The following MINDY2 variants were observed in gnomAD, a reference collection of about 807,000 sequenced individuals.
The protein encoded by MINDY2 is MINDY lysine 48 deubiquitinase 2.
Under a neutral mutation model 68.2 loss-of-function variants are expected in MINDY2, and 52 were observed. The observed-to-expected ratio is 0.76, with a 90% CI of 0.61 to 0.96. The LOEUF is 0.96. Among genes scored for constraint, MINDY2 ranks in the 40% least tolerant of loss-of-function variants. The probability of loss-of-function intolerance (pLI) is 0.00; values close to 1 mark genes in which losing one functional copy is unlikely to be tolerated. For missense variants in MINDY2, 881 were observed against 773.4 expected, an observed-to-expected ratio of 1.14 and a Z score of -1.65; for synonymous variants, 372 against 303.0, an observed-to-expected ratio of 1.23 and a Z score of -2.36.
chr15:58,850,565 T>A (rs1043453416), intron 7 of MINDY2, among the ~76,000 whole-genome samples: 1 of 152,324 alleles, frequency 6.6e-6, no homozygotes, highest in Non-Finnish European at 1.5e-5. Flanking sequence ...GGGAACTTTT[T>A]AAAAAATTCT....
At chr15:58,845,541 C>T (rs1239114730) in intron 6 of MINDY2, among the ~76,000 whole-genome samples, 4 of 152,042 alleles carry the variant, frequency 2.6e-5, no homozygotes, top group African/African-American at 9.7e-5. Flanking sequence ...AAAAGACAGA[C>T]AATAACAAAT....
At chr15:58,810,817 G>A (rs1242563812) in intron 4 of MINDY2, among the ~76,000 whole-genome samples, 1 of 152,180 alleles carries the variant, frequency 6.6e-6, no homozygotes, top group Admixed American at 6.5e-5. Context: ...AATCTAGGAG[G>A]GTTCCAACTG....
At chr15:58,825,336 G>A (rs1181390043) in intron 5 of MINDY2, among the ~76,000 whole-genome samples, 1 of 151,982 alleles carries the variant, frequency 6.6e-6, no homozygotes, top group African/African-American at 2.4e-5. Flanking sequence ...TTTACTTTAC[G>A]TAGAATACTT....
chr15:58,820,740 C>T (rs2031007571), intron 4 of MINDY2, among the ~76,000 whole-genome samples: 1 of 152,088 alleles, frequency 6.6e-6, no homozygotes, highest in Non-Finnish European at 1.5e-5. Context: ...TTAACAAGCT[C>T]CCCGAGTTTG....
chr15:58,775,536 C>T (rs532501416), intron 1 of MINDY2, among the ~76,000 whole-genome samples: 44 of 152,250 alleles, frequency 2.9e-4, no homozygotes, highest in East Asian at 9.6e-4. Context: ...GAGTGTAGCA[C>T]GAAGAATTGA....
chr15:58,796,786 G>A (rs1406457148), intron 2 of MINDY2, among the ~76,000 whole-genome samples: 1 of 152,208 alleles, frequency 6.6e-6, no homozygotes, highest in Non-Finnish European at 1.5e-5. Flanking sequence ...GCCTCCGGAA[G>A]TGCTGGGATT....
chr15:58,834,142 A>G (rs1406649669), intron 6 of MINDY2, among the ~76,000 whole-genome samples: 3 of 152,182 alleles, frequency 2.0e-5, no homozygotes, highest in Non-Finnish European at 2.9e-5. Context: ...GACACAGCAC[A>G]CGTTTCAGGG....
intron 7 of MINDY2, among the ~76,000 whole-genome samples, chr15:58,850,135 C>T (rs2032744321): frequency 6.6e-6 from 1 of 152,116 alleles, no homozygotes; most frequent in South Asian, 2.1e-4. Flanking sequence ...AAATTTTAGT[C>T]AACACCGACT....
chr15:58,838,691 A>T (rs111579799), intron 6 of MINDY2, among the ~76,000 whole-genome samples: 5,500 of 146,594 alleles, frequency 0.038, 108 homozygotes, highest in African/African-American at 0.062. Context: ...GGTTCAAGCG[A>T]TTGTCCTGCC....
chr15:58,827,777 C>T (rs2031490781), intron 5 of MINDY2, among the ~76,000 whole-genome samples: 1 of 151,906 alleles, frequency 6.6e-6, no homozygotes, highest in Admixed American at 6.6e-5. Flanking sequence ...AATCCATTAT[C>T]ATTATTCTTT....
chr15:58,837,197 A>G (rs1352660595), intron 6 of MINDY2, among the ~76,000 whole-genome samples: 1 of 152,108 alleles, frequency 6.6e-6, no homozygotes, highest in Non-Finnish European at 1.5e-5. Flanking sequence ...ATTCTCTCCT[A>G]CTAATTCCTG....
Position 58,844,704 on chromosome 15 carries a change from G to A in MINDY2, c.1369-2593G>A, listed in dbSNP as rs553224817. Among the ~76,000 whole-genome samples, 4 of 151,908 alleles carry A rather than the reference G, an allele frequency of 2.6e-5. No homozygotes were observed. The East Asian group carries it at 7.7e-4, about 29-fold the overall frequency. Reference sequence around the variant, plus strand: ...AAGCTGAGGCGGTGGATCATCTGAGGTCAGGAGTTCGAGACCAGCCTGGCC... The same window carrying A: ...AAGCTGAGGCGGTGGATCATCTGAGATCAGGAGTTCGAGACCAGCCTGGCC... On this transcript the variant is annotated intron_variant, in intron 6 of 8. Coordinates refer to ENST00000559228, the MANE Select transcript of MINDY2 (RefSeq NM_001040450.3).
intron 1 of MINDY2, among the ~76,000 whole-genome samples, chr15:58,777,743 C>T (rs1217444623): frequency 1.3e-5 from 2 of 151,864 alleles, no homozygotes; most frequent in Non-Finnish European, 2.9e-5. Flanking sequence ...ATTTTGTTTA[C>T]CTCTCATTTT....
At chr15:58,842,525 T>G (rs997825896) in intron 6 of MINDY2, among the ~76,000 whole-genome samples, 2 of 152,152 alleles carry the variant, frequency 1.3e-5, no homozygotes, top group Non-Finnish European at 2.9e-5. Flanking sequence ...GGTTGATATA[T>G]CAAAAATTGT....
chr15:58,789,297 C>A (rs910142924), intron 2 of MINDY2, among the ~76,000 whole-genome samples: 1 of 152,180 alleles, frequency 6.6e-6, no homozygotes, highest in Non-Finnish European at 1.5e-5. Flanking sequence ...GAGATTGCAC[C>A]ACTGCACTCC....
chr15:58,824,856 G>A (rs1383072475), intron 5 of MINDY2, among the ~76,000 whole-genome samples: 1 of 151,986 alleles, frequency 6.6e-6, no homozygotes, highest in Non-Finnish European at 1.5e-5. Context: ...TTTTAGTAGA[G>A]ATGAGATTTC....
At chr15:58,845,911 G>A (rs1216537538) in intron 6 of MINDY2, among the ~76,000 whole-genome samples, 2 of 152,186 alleles carry the variant, frequency 1.3e-5, no homozygotes, top group African/African-American at 4.8e-5. Flanking sequence ...GGATGGAACT[G>A]GAGGTCATAA....
chr15:58,806,927 A>G (rs1903054424), intron 3 of MINDY2, among the ~76,000 whole-genome samples: 1 of 152,242 alleles, frequency 6.6e-6, no homozygotes, highest in Admixed American at 6.5e-5. Context: ...CAAAGGTCAA[A>G]GACTGCAGTA....
chr15:58,797,312 G>C (rs1038963174), intron 2 of MINDY2, among the ~76,000 whole-genome samples: 1 of 152,070 alleles, frequency 6.6e-6, no homozygotes, highest in Non-Finnish European at 1.5e-5. Context: ...TTCAAGACCA[G>C]GCTGGGCAAC....
Sources: gnomAD v4.1 joint callset for allele counts (sites outside exome capture counted in the v4.1 genomes callset) on GRCh38, gnomAD v4.1.1 for gene constraint, MANE v1.5 for transcripts, NCBI Gene and HGNC (gene_info 2026-07-23, HGNC 2026-07-21) for gene names.